MROH2A: variants seen among roughly 807,000 people sequenced by gnomAD.
MROH2A encodes maestro heat like repeat family member 2A, also known as maestro heat-like repeat-containing protein family member 2A.
A neutral mutation model predicts 200.4 loss-of-function variants in MROH2A; 174 were observed. That is an observed-to-expected ratio of 0.87 (90% CI 0.77 to 0.98). The LOEUF is 0.98. Among genes scored for constraint, MROH2A ranks in the 50% least tolerant of loss-of-function variants. The pLI is 0.00. For missense variants in MROH2A, 2,045 were observed against 2,139.6 expected, an observed-to-expected ratio of 0.96 and a Z score of 0.87; for synonymous variants, 829 against 840.4, an observed-to-expected ratio of 0.99 and a Z score of 0.23.
In MROH2A at chr2:233,807,013, G is replaced by T. The variant is rs1175575614; in HGVS notation, c.2053-410G>T. On this transcript the variant is annotated intron_variant, in intron 19 of 41. Transcript: ENST00000389758. This position sits in a 1 kb window ranked among gnomAD's most constrained non-coding sequence, Gnocchi z 4.3. ...TATGCCTTAGCATCCTCATAGCTTAGCTCCCACTTATGAGTGAGAACATAC... is the reference window on the plus strand; with the variant it reads ...TATGCCTTAGCATCCTCATAGCTTATCTCCCACTTATGAGTGAGAACATAC... Among the ~76,000 whole-genome samples, 2 of 151,918 alleles carry T rather than the reference G, an allele frequency of 1.3e-5. No individual in the cohort carries two copies. Among genetic ancestry groups the T allele is most frequent in the Admixed American group, 1.3e-4 (2 of 15,260 alleles).
chr2:233,813,837 T>C lies in MROH2A; in HGVS notation c.2760+59T>C, dbSNP rs188071972. On this transcript the variant is annotated intron_variant, in intron 25 of 41. Transcript: ENST00000389758. ...CAGGACCTGGGAGTTAACATTAACA[T>C]GGGCCATGCTGAGAGTCCACCTTCC... is the stretch of plus-strand genomic sequence containing the variant. 300 of 929,822 alleles carry C rather than the reference T, an allele frequency of 3.2e-4. 1 individual carries two copies. In the Admixed American group the frequency reaches 4.0e-3, roughly 12 times the overall value. The allele number at this position is 929,822 out of a possible 1,614,324, so 57.6% of individuals were successfully genotyped here.
At chr2:233,782,123 T>A (rs998220360) in intron 3 of MROH2A, among the ~76,000 whole-genome samples, 2 of 152,334 alleles carry the variant, frequency 1.3e-5, no homozygotes, top group Admixed American at 6.5e-5. Flanking sequence ...TTGGTTACTA[T>A]GGCTTTAAAG....
chr2:233,795,752 C>G lies in MROH2A; in HGVS notation c.1059+7C>G. The G allele has an allele frequency of 6.4e-7, 1 of 1,550,980 alleles. No homozygotes were observed. Among genetic ancestry groups the G allele is most frequent in the East Asian group, 2.4e-5 (1 of 40,910 alleles). ...CACAGAACTGCACGTCCAGGTGAGG[C>G]CAGCAAGCTCAGCTGGACAAGGGCA... On this transcript the variant is annotated splice_region_variant and intron_variant, in intron 9 of 41. Transcript: ENST00000389758.
intron 26 of MROH2A, among the ~76,000 whole-genome samples, chr2:233,815,769 C>T (rs1703476945): frequency 7.2e-6 from 1 of 139,608 alleles, no homozygotes; most frequent in Non-Finnish European, 1.6e-5. Context: ...TACACCAATA[C>T]TGCACTGTCT....
intron 41 of MROH2A, 107 bp downstream of exon 41, chr2:233,832,751 GT>G: frequency 1.9e-6 from 1 of 534,378 alleles, no homozygotes. Flanking sequence ...TTGCTGTGGG[GT>G]TTCGGGGGGG....
chr2:233,777,801 C>G (rs1020780586), upstream of MROH2A, among the ~76,000 whole-genome samples: 1 of 152,232 alleles, frequency 6.6e-6, no homozygotes, highest in African/African-American at 2.4e-5. Context: ...TACCTATGAT[C>G]TGGATCATCT....
intron 35 of MROH2A, among the ~76,000 whole-genome samples, chr2:233,827,812 A>AT (rs34589114): frequency 1.2e-4 from 18 of 151,708 alleles, no homozygotes; most frequent in South Asian, 2.1e-4. Context: ...ATTATAAATG[A>AT]TTTTTTTTTA....
chr2:233,802,038 C>A, intron 14 of MROH2A, 130 bp from the exon 15 acceptor site: 1 of 1,060,058 alleles, frequency 9.4e-7, no homozygotes, highest in Non-Finnish European at 1.3e-6. Flanking sequence ...CAGTTCAGGG[C>A]TGAGACTGTC....
rs1051704876 is a variant in MROH2A, at chr2:233,798,833, T to C, written c.1312T>C (p.Ser438Pro). 6.5e-7 allele frequency: 1 copy of C among 1,550,180 alleles called. No individual in the cohort carries two copies. The highest frequency in any genetic ancestry group is 8.7e-7 in the Non-Finnish European group (1 of 1,146,836). Residue 438 changes from serine (S) to proline (P), a missense_variant, in exon 12 of 42, where the codon TCT (serine) becomes CCT (proline). By Grantham distance (74) the Ser-to-Pro change is moderately conservative. Transcript: ENST00000389758. Reference sequence around the variant, plus strand: ...TATCCGGGTAGTCAAGAACACCATCTCTGATACCCGGTCCAAGGTAACAGG... The same window carrying C: ...TATCCGGGTAGTCAAGAACACCATCCCTGATACCCGGTCCAAGGTAACAGG... ...LAIRVVKNTI[S>P]DTRSKVRMAI... is the part of the protein sequence containing the mutation.
chr2:233,825,729 T>C (rs964851403), intron 35 of MROH2A, among the ~76,000 whole-genome samples: 5 of 152,132 alleles, frequency 3.3e-5, no homozygotes, highest in African/African-American at 9.7e-5. Flanking sequence ...AGTATTTTAT[T>C]GAGAATTTTT....
chr2:233,811,075 T>C (rs1417186161), intron 23 of MROH2A, among the ~76,000 whole-genome samples, 159 bp downstream of exon 23: 1 of 152,238 alleles, frequency 6.6e-6, no homozygotes, highest in Non-Finnish European at 1.5e-5. Context: ...GTTCTGAGAA[T>C]GATTTTTGTA....
Position 233,792,699 on chromosome 2 carries a change from G to A in MROH2A, c.572-97G>A, listed in dbSNP as rs529784421. On this transcript the variant is annotated intron_variant, in intron 5 of 41. Coordinates refer to ENST00000389758, the MANE Select transcript of MROH2A (RefSeq NM_001394639.1). ...GGGCTAAGCCAGCTCTGGACTGTTA[G>A]GGGTTGGAGGTGGAGGGCAGCAGGG... The A allele has an allele frequency of 8.9e-5, 65 of 734,000 alleles. 1 individual carries two copies. The South Asian group carries it at 9.5e-4, about 11-fold the overall frequency. 45.5% of individuals were successfully genotyped at this position (734,000 alleles called of 1,614,324 possible). A position where few individuals can be genotyped will look rare whatever the true frequency, so the allele number is the denominator to read the frequency against.
rs1206839857 is a variant in MROH2A, at chr2:233,800,282, G to A, written c.1527G>A (p.Lys509=). Residue 509 remains lysine (K), a synonymous_variant, in exon 14 of 42, where the codon AAG becomes AAA. Transcript: ENST00000389758. The part of the protein sequence containing the change: ...MVHKVTMDTV[K]IITSSVSGMT... ...ACAAAGTCACCATGGACACTGTGAA[G>A]ATCATTACCTCTTCTGTCAGTGGGA... The A allele has an allele frequency of 6.5e-7, 1 of 1,549,900 alleles. No homozygotes were observed. Among genetic ancestry groups the A allele is most frequent in the African/African-American group, 1.4e-5 (1 of 73,030 alleles).
intron 38 of MROH2A, 121 bp from the exon 39 acceptor site, chr2:233,831,288 T>G (rs1704730408): frequency 7.7e-7 from 1 of 1,296,538 alleles, no homozygotes; most frequent in Non-Finnish European, 1.0e-6. Flanking sequence ...CCACCAGCCC[T>G]GCCTTTCTTT....
chr2:233,832,358 G>A, intron 40 of MROH2A, 79 bp downstream of exon 40: 3 of 1,274,178 alleles, frequency 2.4e-6, no homozygotes, highest in Non-Finnish European at 3.3e-6. Flanking sequence ...GGGAAGGGTG[G>A]ATCATGAGTG....
rs1192278886 is a variant in MROH2A at position 233,790,516 on chromosome 2, C to A, written c.571+502C>A. Among the ~76,000 whole-genome samples, 10 of 50,780 alleles carry A rather than the reference C, an allele frequency of 2.0e-4. 2 individuals carry two copies. The highest frequency in any genetic ancestry group is 2.7e-4 in the Non-Finnish European group (8 of 29,974). The allele number at this position is 50,780 out of a possible 152,430, so 33.3% of individuals were successfully genotyped here. A position where few individuals can be genotyped will look rare whatever the true frequency, so the allele number is the denominator to read the frequency against. On this transcript the variant is annotated intron_variant, in intron 5 of 41. Transcript: ENST00000389758. ...CCTTCCTTCCTTTCCTTTTTAATTG[C>A]CTGCCTTACTTACTCTTTCCCCTCC...
chr2:233,796,080 C>T, intron 10 of MROH2A, 35 bp downstream of exon 10: 2 of 1,545,982 alleles, frequency 1.3e-6, no homozygotes, highest in Non-Finnish European at 1.7e-6. Context: ...CCTGCCTGCC[C>T]CGAGGCCTGC....
intron 29 of MROH2A, 131 bp from the exon 30 acceptor site, chr2:233,819,186 G>C (rs1006474920): frequency 1.2e-5 from 11 of 942,462 alleles, no homozygotes; most frequent in Non-Finnish European, 1.7e-5. Context: ...AGCCCAGGAG[G>C]AGGCCATGGC....
chr2:233,814,497 C>G lies in MROH2A; in HGVS notation c.2761-85C>G, dbSNP rs74934066. The G allele has an allele frequency of 0.011, 9,845 of 894,922 alleles. 570 individuals are homozygous for G. In the East Asian group the frequency reaches 0.16, roughly 14 times the overall value. 55.4% of individuals were successfully genotyped at this position (894,922 alleles called of 1,614,324 possible). A position where few individuals can be genotyped will look rare whatever the true frequency, so the allele number is the denominator to read the frequency against. The stretch of plus-strand genomic sequence containing the variant: ...AGAAGTTAGTGGATGACTGCCAGAC[C>G]CCTCCCTGGCATGAACTCCCTGCAG... On this transcript the variant is annotated intron_variant, in intron 25 of 41. Transcript: ENST00000389758.
Sources: allele counts gnomAD v4.1 joint callset (sites outside exome capture counted in the v4.1 genomes callset), GRCh38; gene constraint gnomAD v4.1.1; non-coding constraint Gnocchi (gnomAD v3.1); transcripts MANE v1.5; gene names NCBI Gene and HGNC (gene_info 2026-07-23, HGNC 2026-07-21).